Variants in KCNC2 observed in about 807,000 individuals in gnomAD.
The protein encoded by KCNC2 is voltage-gated potassium channel KCNC2.
Under a neutral mutation model 44.5 loss-of-function variants are expected in KCNC2, and 21 were observed. That is an observed-to-expected ratio of 0.47 (90% CI 0.33 to 0.68). KCNC2 has a LOEUF of 0.68. KCNC2 is among the 30% of genes least tolerant of loss of function. KCNC2 has a pLI of 0.01. For missense variants in KCNC2, 589 were observed against 826.2 expected, an observed-to-expected ratio of 0.71 and a Z score of 3.52; for synonymous variants, 391 against 339.1, an observed-to-expected ratio of 1.15 and a Z score of -1.68.
At chr12:75,142,993 AT>A (rs1889763720) in intron 2 of KCNC2, among the ~76,000 whole-genome samples, 2 of 152,072 alleles carry the variant, frequency 1.3e-5, no homozygotes. Context: ...CCAATTAATA[AT>A]TTTAGGCCCA....
intron 2 of KCNC2, among the ~76,000 whole-genome samples, chr12:75,142,889 A>G (rs1374330645): frequency 6.6e-6 from 1 of 152,238 alleles, no homozygotes; most frequent in Non-Finnish European, 1.5e-5. Flanking sequence ...AAGCAAGGGA[A>G]CACAGACACC....
At chr12:75,061,135 C>A (rs181155768) in intron 2 of KCNC2, among the ~76,000 whole-genome samples, 123 of 152,126 alleles carry the variant, frequency 8.1e-4, no homozygotes, top group African/African-American at 2.8e-3. Flanking sequence ...ATGTTAATGG[C>A]ATTGATTTGG....
intron 2 of KCNC2, among the ~76,000 whole-genome samples, chr12:75,185,243 C>A (rs1892858041): frequency 6.6e-6 from 1 of 152,054 alleles, no homozygotes; most frequent in African/African-American, 2.4e-5. Context: ...ACGCAGGCTA[C>A]TAAGGTTATG....
intron 2 of KCNC2, among the ~76,000 whole-genome samples, chr12:75,139,166 A>C (rs1290338110): frequency 1.3e-5 from 2 of 152,096 alleles, no homozygotes; most frequent in Admixed American, 1.3e-4. Flanking sequence ...CTACATCTTT[A>C]AGATTAGCCT....
chr12:75,042,667 T>C lies in KCNC2; in HGVS notation c.*438A>G. On this transcript the variant is annotated 3_prime_UTR_variant, in exon 5 of 5. Coordinates refer to ENST00000549446, the MANE Select transcript of KCNC2 (RefSeq NM_139137.4). ...ATAGAGACAAGATGGTCCATGCAAATGAGCTGACACAAGTCATGTCGTGTG... is the reference window on the plus strand; with the variant it reads ...ATAGAGACAAGATGGTCCATGCAAACGAGCTGACACAAGTCATGTCGTGTG... 8.3e-7 allele frequency: 1 copy of C among 1,206,468 alleles called. No homozygotes were observed. The highest frequency in any genetic ancestry group is 2.5e-5 in the South Asian group (1 of 40,252). 74.7% of individuals were successfully genotyped at this position (1,206,468 alleles called of 1,614,324 possible).
intron 2 of KCNC2, among the ~76,000 whole-genome samples, chr12:75,196,283 A>T (rs932319854): frequency 6.6e-6 from 1 of 152,116 alleles, no homozygotes; most frequent in Non-Finnish European, 1.5e-5. Context: ...ATTAATTACC[A>T]TTTAATCATA....
intron 2 of KCNC2, among the ~76,000 whole-genome samples, chr12:75,060,789 G>A (rs1425670787): frequency 6.6e-6 from 1 of 152,040 alleles, no homozygotes; most frequent in African/African-American, 2.4e-5. Context: ...TTCCTAATAT[G>A]TTATTCAAGA....
At chr12:75,194,063 T>C (rs1417153492) in intron 2 of KCNC2, among the ~76,000 whole-genome samples, 4 of 151,372 alleles carry the variant, frequency 2.6e-5, no homozygotes, top group Admixed American at 2.6e-4. Flanking sequence ...AACCAGAAAA[T>C]AAGAAAGATT....
intron 2 of KCNC2, among the ~76,000 whole-genome samples, chr12:75,125,541 A>G (rs1407208698): frequency 6.6e-6 from 1 of 152,204 alleles, no homozygotes; most frequent in Non-Finnish European, 1.5e-5. Flanking sequence ...CTCTATTTGC[A>G]TATCCTTATG....
chr12:75,077,258 T>C (rs1884076796), intron 2 of KCNC2, among the ~76,000 whole-genome samples: 1 of 152,170 alleles, frequency 6.6e-6, no homozygotes, highest in African/African-American at 2.4e-5. Flanking sequence ...AAAATCACTT[T>C]TGGCATTATT....
At chr12:75,074,190 G>C (rs1411222492) in intron 2 of KCNC2, among the ~76,000 whole-genome samples, 1 of 151,186 alleles carries the variant, frequency 6.6e-6, no homozygotes, top group African/African-American at 2.4e-5. Context: ...AAATAAGTAG[G>C]AGGTCTGCAA....
chr12:75,206,465 C>T (rs1593099178), intron 2 of KCNC2, among the ~76,000 whole-genome samples: 2 of 152,120 alleles, frequency 1.3e-5, no homozygotes, highest in South Asian at 4.1e-4. Context: ...GTCATTTAAA[C>T]TAGAACCCGA....
intron 2 of KCNC2, among the ~76,000 whole-genome samples, chr12:75,114,976 T>C (rs1436670306): frequency 2.0e-5 from 3 of 148,152 alleles, no homozygotes; most frequent in Non-Finnish European, 3.0e-5. Context: ...GCCATTCTCC[T>C]GCCTCACCTG....
chr12:75,187,127 A>G (rs1468072917), intron 2 of KCNC2, among the ~76,000 whole-genome samples: 1 of 152,222 alleles, frequency 6.6e-6, no homozygotes, highest in African/African-American at 2.4e-5. Context: ...AAACTGACAA[A>G]TTTGGAAGAT....
At chr12:75,076,449 T>C (rs1427709973) in intron 2 of KCNC2, among the ~76,000 whole-genome samples, 1 of 152,054 alleles carries the variant, frequency 6.6e-6, no homozygotes, top group African/African-American at 2.4e-5. Flanking sequence ...ATTTTTTTTA[T>C]TTTTAGTAGA....
intron 2 of KCNC2, among the ~76,000 whole-genome samples, chr12:75,144,768 G>A (rs1345497558): frequency 6.6e-6 from 1 of 151,856 alleles, no homozygotes; most frequent in Non-Finnish European, 1.5e-5. Flanking sequence ...ACGTCACTGG[G>A]CCATCAAAAT....
chr12:75,163,410 T>G (rs764323297), intron 2 of KCNC2, among the ~76,000 whole-genome samples: 16 of 151,720 alleles, frequency 1.1e-4, no homozygotes, highest in Non-Finnish European at 1.2e-4. Flanking sequence ...ATGGGATTCC[T>G]AAACTTGAAG....
intron 3 of KCNC2, among the ~76,000 whole-genome samples, chr12:75,049,328 G>A (rs1880914737): frequency 6.6e-6 from 1 of 151,870 alleles, no homozygotes; most frequent in Non-Finnish European, 1.5e-5. Flanking sequence ...TCTAAATTAT[G>A]CAAAATCATT....
At chr12:75,167,259 A>G (rs1299312341) in intron 2 of KCNC2, among the ~76,000 whole-genome samples, 2 of 151,278 alleles carry the variant, frequency 1.3e-5, no homozygotes, top group African/African-American at 4.8e-5. Context: ...TATTATCTTT[A>G]ATTTTATTTT....
Sources: allele counts gnomAD v4.1 joint callset (sites outside exome capture counted in the v4.1 genomes callset), GRCh38; gene constraint gnomAD v4.1.1; transcripts MANE v1.5; gene names NCBI Gene and HGNC (gene_info 2026-07-23, HGNC 2026-07-21).